EXTL3: variants seen among roughly 807,000 people sequenced by gnomAD.
EXTL3 encodes exostosin like glycosyltransferase 3, also known as exostosin-like 3.
Under a neutral mutation model 69.3 loss-of-function variants are expected in EXTL3, and 27 were observed. That is an observed-to-expected ratio of 0.39 (90% confidence interval 0.29 to 0.54). EXTL3 has a LOEUF of 0.54. Ranked by LOEUF, EXTL3 falls within the 20% of genes least tolerant of loss-of-function variation. The probability of loss-of-function intolerance (pLI) is 0.69; values close to 1 mark genes in which losing one functional copy is unlikely to be tolerated. For synonymous variants in EXTL3, 511 were observed against 499.4 expected (o/e 1.02, Z -0.31); for missense variants, 1,003 against 1,231.8 (o/e 0.81, Z 2.78).
chr8:28,634,516 T>A (rs1271151742), intron 1 of EXTL3, among the ~76,000 whole-genome samples: 1 of 152,028 alleles, frequency 6.6e-6, no homozygotes, highest in East Asian at 1.9e-4. Context: ...AAGATTCTGC[T>A]GAAGTGCCAC....
At chr8:28,642,445 C>CAA (rs34884110) in intron 1 of EXTL3, among the ~76,000 whole-genome samples, 17 of 91,912 alleles carry the variant, frequency 1.8e-4, no homozygotes, top group African/African-American at 4.4e-4. Flanking sequence ...AACACTGTCT[C>CAA]AAAAAAAAAA....
intron 2 of EXTL3, among the ~76,000 whole-genome samples, chr8:28,609,147 C>T (rs935701362): frequency 1.3e-4 from 19 of 151,996 alleles, no homozygotes; most frequent in African/African-American, 4.6e-4. Context: ...GAAATAAGGC[C>T]GATTTGTCCA....
intron 1 of EXTL3, among the ~76,000 whole-genome samples, chr8:28,624,807 A>C (rs1806467340): frequency 6.6e-6 from 1 of 152,202 alleles, no homozygotes; most frequent in African/African-American, 2.4e-5. Context: ...AACTTTGCAC[A>C]GTGGTTTGCA....
At position 28,737,507 on chromosome 8, in the gene EXTL3, G is replaced by T. The variant is rs779843733; in HGVS notation, c.2277-12G>T. ...TGTATTCAGGTCTGTGTATGCACTT[G>T]TGTTTTTCAAGGGTGTGGAGAGAAG... On this transcript the variant is annotated splice_polypyrimidine_tract_variant and intron_variant, in intron 4 of 6. Transcript: ENST00000220562. 1 of 1,613,988 alleles carries T rather than the reference G, an allele frequency of 6.2e-7. No individual in the cohort carries two copies. The highest frequency in any genetic ancestry group is 8.5e-7 in the Non-Finnish European group (1 of 1,179,852).
chr8:28,703,236 G>A (rs1157453271), intron 1 of EXTL3, among the ~76,000 whole-genome samples: 1 of 152,070 alleles, frequency 6.6e-6, no homozygotes, highest in Non-Finnish European at 1.5e-5. Flanking sequence ...AGAGATGTGA[G>A]GGGCATACCT....
chr8:28,636,341 A>C (rs1806654951), intron 1 of EXTL3, among the ~76,000 whole-genome samples: 1 of 151,738 alleles, frequency 6.6e-6, no homozygotes, highest in Non-Finnish European at 1.5e-5. Context: ...CAAAAAAAAA[A>C]AAAAACAAAT....
chr8:28,651,334 G>GT (rs927603780), intron 1 of EXTL3, among the ~76,000 whole-genome samples: 10 of 151,908 alleles, frequency 6.6e-5, no homozygotes, highest in African/African-American at 1.2e-4. Flanking sequence ...AGTTTCTTCT[G>GT]TTTTTTTCAA....
chr8:28,693,339 G>A (rs922415922), intron 1 of EXTL3, among the ~76,000 whole-genome samples: 1 of 151,924 alleles, frequency 6.6e-6, no homozygotes, highest in African/African-American at 2.4e-5. Context: ...CAGTAGAGGT[G>A]GGTTTTTGCC....
At chr8:28,616,712 T>G (rs1331619012) in intron 2 of EXTL3, among the ~76,000 whole-genome samples, 1 of 152,122 alleles carries the variant, frequency 6.6e-6, no homozygotes, top group Non-Finnish European at 1.5e-5. Flanking sequence ...TTTTCCTCTC[T>G]AAGTGAATTC....
chr8:28,664,344 A>G (rs73564758), intron 1 of EXTL3, among the ~76,000 whole-genome samples: 9,330 of 152,096 alleles, frequency 0.061, 884 homozygotes, highest in African/African-American at 0.21. Context: ...TGGTGAGTGC[A>G]TGGGCAGAGA....
At chr8:28,663,483 C>T (rs973212108) in intron 1 of EXTL3, among the ~76,000 whole-genome samples, 4 of 152,050 alleles carry the variant, frequency 2.6e-5, no homozygotes, top group Admixed American at 6.6e-5. Flanking sequence ...GATGGTGTCT[C>T]GCTGTGTCGC....
rs1563427357 is a variant in EXTL3 at position 28,623,335 on chromosome 8, C to T, written c.-53+525C>T. 6.6e-6 allele frequency among the ~76,000 whole-genome samples: 1 copy of T among 152,222 alleles called. No individual in the cohort carries two copies. Among genetic ancestry groups the T allele is most frequent in the African/African-American group, 2.4e-5 (1 of 41,462 alleles). On this transcript the variant is annotated intron_variant, in intron 1 of 6. Coordinates refer to the EXTL3 transcript ENST00000523149. The surrounding 1 kb of genome is among the most constrained non-coding windows in gnomAD (Gnocchi z 4.2). ...AACACACCTACCCCAGAGGACACCACAGAATGCGGACCCCAAAGCCAGCCG... is the reference window on the plus strand; with the variant it reads ...AACACACCTACCCCAGAGGACACCATAGAATGCGGACCCCAAAGCCAGCCG...
chr8:28,702,947 C>T (rs1800842856), intron 1 of EXTL3, among the ~76,000 whole-genome samples: 8 of 152,198 alleles, frequency 5.3e-5, no homozygotes. Context: ...GGGATAGTAA[C>T]TGCGGGGCAC....
intron 1 of EXTL3, among the ~76,000 whole-genome samples, chr8:28,668,259 C>CAAAAAAAAAAAA (rs71549685): frequency 1.6e-5 from 1 of 64,254 alleles, no homozygotes; most frequent in Non-Finnish European, 3.5e-5. Context: ...GGTCCTGTCT[C>CAAAAAAAAAAAA]AAAAAAAAAA....
At chr8:28,699,501 A>C (rs1261512683), upstream of EXTL3, 2 of 152,488 alleles carry the variant, frequency 1.3e-5, no homozygotes, top group African/African-American at 4.8e-5. Context: ...CTAAGGCTTC[A>C]TAATCTTTTT....
intron 1 of EXTL3, among the ~76,000 whole-genome samples, chr8:28,648,415 A>C (rs1239296244): frequency 6.6e-6 from 1 of 152,162 alleles, no homozygotes; most frequent in Non-Finnish European, 1.5e-5. Flanking sequence ...CTCCAGAGGT[A>C]ATGTTGAATA....
At chr8:28,724,382 A>G (rs771143775) in intron 3 of EXTL3, among the ~76,000 whole-genome samples, 4 of 152,240 alleles carry the variant, frequency 2.6e-5, no homozygotes, top group Non-Finnish European at 4.4e-5. Flanking sequence ...TGGAAAACCA[A>G]TGCACTGTTA....
rs57290264 is a variant in EXTL3 at position 28,626,170 on chromosome 8, TAA to T, written c.-53+3374_-53+3375del. Among the ~76,000 whole-genome samples the T allele has an allele frequency of 3.8e-3, 520 of 138,490 alleles. 2 individuals are homozygous for T. The highest frequency in any genetic ancestry group is 0.01 in the African/African-American group (377 of 37,368). The allele number at this position is 138,490 out of a possible 152,430, so 90.9% of individuals were successfully genotyped here. A position where few individuals can be genotyped will look rare whatever the true frequency, so the allele number is the denominator to read the frequency against. On this transcript the variant is annotated intron_variant, in intron 1 of 6. Coordinates refer to the EXTL3 transcript ENST00000523149. ...CTGGGCAACAGGGTGAGACCCTGTC[TAA>T]AAAAAAAAAAAAATTAAACTAAAAA...
intron 1 of EXTL3, among the ~76,000 whole-genome samples, chr8:28,675,239 C>T (rs562231376): frequency 1.3e-5 from 2 of 152,254 alleles, no homozygotes; most frequent in East Asian, 1.9e-4. Flanking sequence ...TGATCTAAAG[C>T]AGGCATCTGG....
Sources: allele counts gnomAD v4.1 joint callset (sites outside exome capture counted in the v4.1 genomes callset), GRCh38; gene constraint gnomAD v4.1.1; non-coding constraint Gnocchi (gnomAD v3.1); transcripts MANE v1.5; gene names NCBI Gene and HGNC (gene_info 2026-07-23, HGNC 2026-07-21).